The following SPOCK3 variants were observed in gnomAD, a reference collection of about 807,000 sequenced individuals.
SPOCK3 encodes the protein SPARC (osteonectin), cwcv and kazal like domains proteoglycan 3.
In SPOCK3, 30 loss-of-function variants were observed where a neutral mutation model predicts 56.6. The observed-to-expected ratio is 0.53, with a 90% confidence interval of 0.40 to 0.72. SPOCK3 has a LOEUF of 0.72. Among genes scored for constraint, SPOCK3 ranks in the 30% least tolerant of loss-of-function variants. The pLI, the probability that SPOCK3 is intolerant of heterozygous loss-of-function variation, is 0.00. For synonymous variants in SPOCK3, 196 were observed against 183.3 expected (o/e 1.07, Z -0.56); for missense variants, 527 against 530.0 (o/e 0.99, Z 0.06).
At chr4:167,222,084 A>C (rs72701416) in intron 2 of SPOCK3, among the ~76,000 whole-genome samples, 2,869 of 152,260 alleles carry the variant, frequency 0.019, 33 homozygotes, top group Non-Finnish European at 0.03. Context: ...ATAAGTGGAC[A>C]AATGTAAAAT....
chr4:167,069,660 G>A (rs1756490167), intron 2 of SPOCK3, among the ~76,000 whole-genome samples: 1 of 151,834 alleles, frequency 6.6e-6, no homozygotes, highest in South Asian at 2.1e-4. Context: ...TGCATCTTCG[G>A]ATACACAGAT....
At chr4:167,212,409 T>C (rs943555504) in intron 2 of SPOCK3, among the ~76,000 whole-genome samples, 2 of 151,888 alleles carry the variant, frequency 1.3e-5, no homozygotes. Flanking sequence ...GCCTGGCTAC[T>C]TTTTGTATTT....
At chr4:167,064,148 TTTAA>T (rs1170568754) in intron 2 of SPOCK3, among the ~76,000 whole-genome samples, 1 of 151,884 alleles carries the variant, frequency 6.6e-6, no homozygotes, top group Non-Finnish European at 1.5e-5. Context: ...CAGAAGTTTT[TTTAA>T]TGTGACTAAC....
intron 3 of SPOCK3, among the ~76,000 whole-genome samples, chr4:167,061,599 A>G (rs1755613779): frequency 6.6e-6 from 1 of 151,872 alleles, no homozygotes; most frequent in Admixed American, 6.6e-5. Flanking sequence ...TATTAAGTAA[A>G]AATCTGGTAA....
At chr4:166,975,445 A>G (rs1277219651) in intron 4 of SPOCK3, among the ~76,000 whole-genome samples, 1 of 152,176 alleles carries the variant, frequency 6.6e-6, no homozygotes, top group Non-Finnish European at 1.5e-5. Context: ...CATGTGCACT[A>G]ATCACATCAG....
At chr4:167,092,508 C>T (rs532040927) in intron 2 of SPOCK3, among the ~76,000 whole-genome samples, 1 of 152,246 alleles carries the variant, frequency 6.6e-6, no homozygotes, top group East Asian at 1.9e-4. Context: ...TTGAAACTTG[C>T]AGTGATTTGC....
chr4:167,205,544 T>TTATATAATATATAATATATATTATA (rs1734201083), intron 2 of SPOCK3, among the ~76,000 whole-genome samples: 2 of 57,624 alleles, frequency 3.5e-5, no homozygotes, highest in African/African-American at 8.8e-5. Flanking sequence ...ATAATATATA[T>TTATATAATATATAATATATATTATA]TATATAATAT....
chr4:167,111,601 G>A (rs1401674099), intron 2 of SPOCK3, among the ~76,000 whole-genome samples: 1 of 152,056 alleles, frequency 6.6e-6, no homozygotes, highest in East Asian at 1.9e-4. Context: ...TCATCCTAAT[G>A]TGCGAATATG....
chr4:167,059,896 G>A (rs955140948), intron 3 of SPOCK3, among the ~76,000 whole-genome samples: 19 of 151,544 alleles, frequency 1.3e-4, no homozygotes, highest in Admixed American at 2.6e-4. Flanking sequence ...GTAAACTATC[G>A]CAAGAACAAA....
intron 2 of SPOCK3, among the ~76,000 whole-genome samples, chr4:167,128,002 A>C (rs1762420731): frequency 6.6e-6 from 1 of 152,302 alleles, no homozygotes; most frequent in Non-Finnish European, 1.5e-5. Flanking sequence ...CTCACTTCCC[A>C]AAAGAACTTG....
chr4:167,053,715 A>G (rs750252985), intron 3 of SPOCK3, among the ~76,000 whole-genome samples: 15 of 151,636 alleles, frequency 9.9e-5, no homozygotes, highest in Non-Finnish European at 1.8e-4. Flanking sequence ...ACAAATAAAT[A>G]AAAAAAAGAG....
chr4:167,084,750 A>G (rs1189325156), intron 2 of SPOCK3, among the ~76,000 whole-genome samples: 1 of 150,274 alleles, frequency 6.7e-6, no homozygotes, highest in African/African-American at 2.5e-5. Context: ...AATGAAAGTA[A>G]ATATAAACTA....
chr4:167,117,880 A>C (rs182221769), intron 2 of SPOCK3, among the ~76,000 whole-genome samples: 38 of 152,304 alleles, frequency 2.5e-4, no homozygotes, highest in Admixed American at 6.5e-4. Context: ...ATAAGACCCA[A>C]CAGACTGTGC....
chr4:166,843,990 A>G (rs1747786578), intron 6 of SPOCK3, among the ~76,000 whole-genome samples: 1 of 152,182 alleles, frequency 6.6e-6, no homozygotes, highest in African/African-American at 2.4e-5. Context: ...ATGACCAGGT[A>G]TGTGAATGTG....
At chr4:166,908,214 A>C (rs1736837400) in intron 5 of SPOCK3, among the ~76,000 whole-genome samples, 1 of 151,352 alleles carries the variant, frequency 6.6e-6, no homozygotes, top group Non-Finnish European at 1.5e-5. Flanking sequence ...TTAAAATAGA[A>C]AGTTTTTGAA....
intron 5 of SPOCK3, among the ~76,000 whole-genome samples, chr4:166,897,453 G>T (rs1259674982): frequency 1.3e-5 from 2 of 152,116 alleles, no homozygotes; most frequent in Non-Finnish European, 2.9e-5. Context: ...ATGAGCAAAG[G>T]TTGGGTGGGA....
rs191261924 is a variant in SPOCK3, at chr4:167,046,337, C to T, written c.235+16155G>A. Among the ~76,000 whole-genome samples, 404 of 151,418 alleles carry T rather than the reference C, an allele frequency of 2.7e-3. 2 individuals carry two copies. Among genetic ancestry groups the T allele is most frequent in the African/African-American group, 9.2e-3 (380 of 41,306 alleles). On this transcript the variant is annotated intron_variant, in intron 3 of 10. Transcript: ENST00000357545. ...TTGCATTTATTCTTCTTGGTGTTCC[C>T]TGAGCTTCCTGCATCAGTGCTTGTT...
intron 2 of SPOCK3, among the ~76,000 whole-genome samples, chr4:167,094,832 A>T (rs564783246): frequency 6.6e-6 from 1 of 152,262 alleles, no homozygotes; most frequent in South Asian, 2.1e-4. Flanking sequence ...CTCCAGAATA[A>T]TGTACATAGA....
At chr4:167,185,788 C>T (rs958358657) in intron 2 of SPOCK3, among the ~76,000 whole-genome samples, 10 of 152,108 alleles carry the variant, frequency 6.6e-5, no homozygotes, top group African/African-American at 2.4e-4. Flanking sequence ...CCTGACAATA[C>T]AATGATAGGA....
Sources: gnomAD v4.1 joint callset for allele counts (sites outside exome capture counted in the v4.1 genomes callset) on GRCh38, gnomAD v4.1.1 for gene constraint, MANE v1.5 for transcripts, NCBI Gene and HGNC (gene_info 2026-07-23, HGNC 2026-07-21) for gene names.